Variants in ALK observed in about 807,000 individuals in gnomAD.
The protein encoded by ALK is ALK tyrosine kinase receptor.
ALK carries 74 observed loss-of-function variants against 163.1 expected under a neutral mutation model. The observed-to-expected ratio is 0.45, with a 90% CI of 0.38 to 0.55. The LOEUF is 0.55. ALK is among the 20% of genes least tolerant of loss of function. ALK has a pLI of 0.00. For synonymous variants in ALK, 960 were observed against 843.2 expected (o/e 1.14, Z -2.40); for missense variants, 2,063 against 2,105.3 (o/e 0.98, Z 0.39).
intron 3 of ALK, among the ~76,000 whole-genome samples, chr2:29,563,513 T>A (rs578119278): frequency 6.6e-6 from 1 of 152,314 alleles, no homozygotes; most frequent in African/African-American, 2.4e-5. Context: ...TCAGCCAAAT[T>A]CTGTAGACAG....
intron 4 of ALK, among the ~76,000 whole-genome samples, chr2:29,420,994 A>C (rs995158230): frequency 6.6e-6 from 1 of 151,596 alleles, no homozygotes; most frequent in Admixed American, 6.6e-5. Flanking sequence ...AGCAATGGCC[A>C]GGAGCTACTG....
At chr2:29,361,781 G>T (rs989051873) in intron 5 of ALK, among the ~76,000 whole-genome samples, 5 of 152,182 alleles carry the variant, frequency 3.3e-5, no homozygotes, top group Non-Finnish European at 5.9e-5. Context: ...CTTGTATATT[G>T]TGGCCTATAT....
intron 1 of ALK, among the ~76,000 whole-genome samples, chr2:29,798,536 ACC>A: frequency 6.6e-6 from 1 of 152,286 alleles, no homozygotes; most frequent in Non-Finnish European, 1.5e-5. Flanking sequence ...AAGTACAAAA[ACC>A]CCCGCTCCTC....
chr2:29,531,008 T>C (rs755236318), intron 4 of ALK, among the ~76,000 whole-genome samples: 2 of 152,222 alleles, frequency 1.3e-5, no homozygotes, highest in Non-Finnish European at 2.9e-5. Context: ...CCATTCAGCC[T>C]TATTGCCAAA....
intron 4 of ALK, among the ~76,000 whole-genome samples, chr2:29,515,693 G>C (rs1256511188): frequency 3.2e-5 from 1 of 31,302 alleles, no homozygotes; most frequent in Non-Finnish European, 9.6e-5. Flanking sequence ...ATCAATTATA[G>C]CAAAACTGGT....
rs549456878 is a variant in ALK, at chr2:29,687,783, A to T, written c.952+7067T>A. 7.2e-5 allele frequency among the ~76,000 whole-genome samples: 11 copies of T among 152,314 alleles called. No homozygotes were observed. The South Asian group carries it at 2.3e-3, about 32-fold the overall frequency. On this transcript the variant is annotated intron_variant, in intron 3 of 28. Coordinates refer to ENST00000389048, the MANE Select transcript of ALK (RefSeq NM_004304.5). ...TTTAACTTGCTTTTTGAAACCTAATAATAAGTTCCAAATATTTCCCCATAT... is the reference window on the plus strand; with the variant it reads ...TTTAACTTGCTTTTTGAAACCTAATTATAAGTTCCAAATATTTCCCCATAT...
chr2:29,508,349 T>C (rs62129134), intron 4 of ALK, among the ~76,000 whole-genome samples: 5,636 of 152,204 alleles, frequency 0.037, 151 homozygotes, highest in Non-Finnish European at 0.055. Context: ...ATATACACCA[T>C]GGAATACTAT....
chr2:29,868,923 C>T (rs569526626), intron 1 of ALK, among the ~76,000 whole-genome samples: 9 of 152,200 alleles, frequency 5.9e-5, no homozygotes, highest in Admixed American at 5.9e-4. Flanking sequence ...ATCCTGCCAC[C>T]ATGTTGTGAT....
intron 26 of ALK, 34 bp from the exon 27 acceptor site, chr2:29,197,710 T>G: frequency 6.4e-7 from 1 of 1,566,728 alleles, no homozygotes; most frequent in East Asian, 2.2e-5. Flanking sequence ...GAGATGGATA[T>G]AGACACACCC....
At chr2:29,752,666 C>T (rs1163894897) in intron 1 of ALK, among the ~76,000 whole-genome samples, 2 of 152,146 alleles carry the variant, frequency 1.3e-5, no homozygotes, top group African/African-American at 4.8e-5. Context: ...CTATTTTCAA[C>T]TTACGATGGG....
At chr2:29,389,106 C>T in intron 4 of ALK, among the ~76,000 whole-genome samples, 1 of 152,204 alleles carries the variant, frequency 6.6e-6, no homozygotes, top group East Asian at 1.9e-4. Flanking sequence ...TTTACTGGTG[C>T]ATTGTTGCAC....
chr2:29,919,405 G>T (rs1667923377), intron 1 of ALK, among the ~76,000 whole-genome samples: 1 of 149,972 alleles, frequency 6.7e-6, no homozygotes, highest in Non-Finnish European at 1.5e-5. Flanking sequence ...GAAAGGATGA[G>T]TCGAGAGTGC....
At chr2:29,680,890 T>C (rs1678044369) in intron 3 of ALK, 1 of 152,194 alleles carries the variant, frequency 6.6e-6, no homozygotes. Flanking sequence ...TTGCTATCTT[T>C]GTTAGTTTTG....
At chr2:29,421,554 C>T (rs943602711) in intron 4 of ALK, among the ~76,000 whole-genome samples, 2 of 151,474 alleles carry the variant, frequency 1.3e-5, no homozygotes, top group Non-Finnish European at 2.9e-5. Context: ...AGCACAGGCA[C>T]GGACAATATT....
chr2:29,467,703 A>C (rs1206880372), intron 4 of ALK, among the ~76,000 whole-genome samples: 2 of 152,174 alleles, frequency 1.3e-5, no homozygotes, highest in South Asian at 2.1e-4. Flanking sequence ...TCTCATAATA[A>C]TACTAAAATA....
At chr2:29,831,948 G>C (rs1412654168) in intron 1 of ALK, among the ~76,000 whole-genome samples, 2 of 152,218 alleles carry the variant, frequency 1.3e-5, no homozygotes, top group Non-Finnish European at 2.9e-5. Context: ...GGATTTCACA[G>C]TGTTCTCCAA....
At position 29,337,778 on chromosome 2, in the gene ALK, G is replaced by A. The variant is rs140804330; in HGVS notation, c.1283-9297C>T. 4.4e-4 allele frequency among the ~76,000 whole-genome samples: 67 copies of A among 152,204 alleles called. No homozygotes were observed. In the East Asian group the frequency reaches 4.6e-3, roughly 11 times the overall value. On this transcript the variant is annotated intron_variant, in intron 5 of 28. Transcript: ENST00000389048. ...TCCTTGGTCCAGTATTCTCAAGAGC[G>A]CCTTTCGCCCCTAGTTTCCATGTCT...
At chr2:29,223,295 C>T (rs1288800766) in intron 20 of ALK, 47 bp downstream of exon 20, 4 of 1,602,242 alleles carry the variant, frequency 2.5e-6, no homozygotes, top group Middle Eastern at 1.7e-4. Flanking sequence ...AACATTCAGC[C>T]CCTACACTGC....
chr2:29,875,764 AT>A (rs201061117), intron 1 of ALK, among the ~76,000 whole-genome samples: 5,376 of 152,182 alleles, frequency 0.035, 279 homozygotes, highest in African/African-American at 0.11. Context: ...ACATGAACTC[AT>A]TTTTTTATGG....
Sources: gnomAD v4.1 joint callset for allele counts (sites outside exome capture counted in the v4.1 genomes callset) on GRCh38, gnomAD v4.1.1 for gene constraint, MANE v1.5 for transcripts, NCBI Gene and HGNC (gene_info 2026-07-23, HGNC 2026-07-21) for gene names.